The following ZNF541 variants were observed in gnomAD, a reference collection of about 807,000 sequenced individuals.
ZNF541 encodes the protein zinc finger protein 541.
In ZNF541, 23 loss-of-function variants were observed where a neutral mutation model predicts 123.5. The observed-to-expected ratio is 0.19, with a 90% CI of 0.13 to 0.26. The LOEUF is 0.26. Ranked by LOEUF, ZNF541 falls within the 10% of genes least tolerant of loss-of-function variation. The pLI, the probability that ZNF541 is intolerant of heterozygous loss-of-function variation, is 1.00. For synonymous variants in ZNF541, 751 were observed against 754.5 expected (o/e 1.00, Z 0.08); for missense variants, 1,612 against 1,789.9 (o/e 0.90, Z 1.79).
chr19:47,561,215 T>C (rs1971049067), intron 2 of ZNF541, among the ~76,000 whole-genome samples: 1 of 152,134 alleles, frequency 6.6e-6, no homozygotes, highest in Non-Finnish European at 1.5e-5. Context: ...GGCTCACACC[T>C]GTAATCCCAG....
chr19:47,556,591 T>C (rs1295653129), intron 2 of ZNF541, among the ~76,000 whole-genome samples: 1 of 151,954 alleles, frequency 6.6e-6, no homozygotes, highest in African/African-American at 2.4e-5. Context: ...ATTACAGGTG[T>C]GAACCAGCGC....
chr19:47,541,236 G>A (rs2123087469), intron 5 of ZNF541, among the ~76,000 whole-genome samples: 1 of 152,064 alleles, frequency 6.6e-6, no homozygotes, highest in East Asian at 1.9e-4. Flanking sequence ...TGGGCAACAT[G>A]GCAAAACCCC....
chr19:47,521,166 A>C lies in ZNF541; in HGVS notation c.*58T>G. The C allele has an allele frequency of 6.6e-7, 1 of 1,523,126 alleles. No individual in the cohort carries two copies. The highest frequency in any genetic ancestry group is 2.5e-5 in the East Asian group (1 of 40,488). 94.4% of individuals were successfully genotyped at this position (1,523,126 alleles called of 1,614,324 possible). ...GAGGGGTGCCCCAAACGCCCTGGAGAGGCCGAAGGGAGGAGGGGCAGCACT... is the reference window on the plus strand; with the variant it reads ...GAGGGGTGCCCCAAACGCCCTGGAGCGGCCGAAGGGAGGAGGGGCAGCACT... On this transcript the variant is annotated 3_prime_UTR_variant, in exon 17 of 17. Coordinates refer to ENST00000391901, the MANE Select transcript of ZNF541 (RefSeq NM_001277075.3). This position sits in a 1 kb window ranked among gnomAD's most constrained non-coding sequence, Gnocchi z 4.2.
chr19:47,539,354 C>A (rs976997720), intron 8 of ZNF541, among the ~76,000 whole-genome samples: 3 of 144,284 alleles, frequency 2.1e-5, no homozygotes, highest in Non-Finnish European at 4.5e-5. Context: ...GGCTAGAGTG[C>A]AGTGTTGTGA....
intron 10 of ZNF541, among the ~76,000 whole-genome samples, chr19:47,532,660 C>T (rs1185961638): frequency 1.3e-5 from 2 of 152,032 alleles, no homozygotes; most frequent in Non-Finnish European, 2.9e-5. Flanking sequence ...GCATTCTGTC[C>T]CCATGTGCCA....
In ZNF541 at chr19:47,545,435, G is replaced by C. The variant is rs1370458876; in HGVS notation, c.1094C>G (p.Pro365Arg). 2 of 1,478,378 alleles carry C rather than the reference G, an allele frequency of 1.4e-6. No individual in the cohort carries two copies. The highest frequency in any genetic ancestry group is 2.7e-5 in the South Asian group (2 of 72,760). 91.6% of individuals were successfully genotyped at this position (1,478,378 alleles called of 1,614,324 possible). The change falls in exon 5 of 17, where the codon CCG (proline) becomes CGG (arginine). Residue 365 changes from proline to arginine, a missense_variant. Transcript: ENST00000391901. The surrounding 1 kb of genome is among the most constrained non-coding windows in gnomAD (Gnocchi z 7.5). ...SRAAENGAPD[P>R]PEPEPDTALL... ...CGCGGTATCTGGCTCCGGCTCTGGC[G>C]GGTCGGGGGCGCCGTTCTCGGCGGC... is the stretch of plus-strand genomic sequence containing the variant.
At chr19:47,531,448 A>G (rs1969567667) in intron 12 of ZNF541, among the ~76,000 whole-genome samples, 194 bp downstream of exon 12, 1 of 151,918 alleles carries the variant, frequency 6.6e-6, no homozygotes, top group African/African-American at 2.4e-5. Flanking sequence ...GTAGCTATGA[A>G]TTGGGCCCAC....
At chr19:47,533,791 G>A (rs1325988547) in intron 9 of ZNF541, among the ~76,000 whole-genome samples, 1 of 152,128 alleles carries the variant, frequency 6.6e-6, no homozygotes, top group African/African-American at 2.4e-5. Context: ...CCGAGACTGT[G>A]CCACTGTGCT....
Position 47,544,784 on chromosome 19 carries a change from G to T in ZNF541, c.1745C>A (p.Ala582Glu). Residue 582 changes from alanine (A) to glutamate (E), a missense_variant, in exon 5 of 17, where the codon GCG (alanine) becomes GAG (glutamate). Physicochemically the swap from Ala to Glu is moderately radical, Grantham distance 107. This residue lies in a region of ZNF541 where 1,080 missense variants were observed against 1,013.8 expected (regional missense o/e 1.07). Transcript: ENST00000391901. Reference protein sequence around the residue: ...QVAAVSSQLPAPEGKPAALRP... With the variant: ...QVAAVSSQLPEPEGKPAALRP... Reference sequence around the variant, plus strand: ...CAGGGCGGCTGGTTTGCCCTCGGGCGCAGGGAGCTGGGAGGAGACTGCTGC... The same window carrying T: ...CAGGGCGGCTGGTTTGCCCTCGGGCTCAGGGAGCTGGGAGGAGACTGCTGC... 6.6e-7 allele frequency: 1 copy of T among 1,517,828 alleles called. No homozygotes were observed. The highest frequency in any genetic ancestry group is 1.2e-5 in the South Asian group (1 of 81,924). 94.0% of individuals were successfully genotyped at this position (1,517,828 alleles called of 1,614,324 possible). A position where few individuals can be genotyped will look rare whatever the true frequency, so the allele number is the denominator to read the frequency against.
chr19:47,540,652 C>T (rs1191832571), intron 6 of ZNF541, among the ~76,000 whole-genome samples: 1 of 152,182 alleles, frequency 6.6e-6, no homozygotes, highest in African/African-American at 2.4e-5. Flanking sequence ...GTTGGCCAGG[C>T]TGGTCTCGAA....
intron 4 of ZNF541, among the ~76,000 whole-genome samples, chr19:47,548,798 G>A (rs1404765064): frequency 6.6e-6 from 1 of 152,214 alleles, no homozygotes; most frequent in Non-Finnish European, 1.5e-5. Context: ...GGAGTGGGCT[G>A]GGCACGGTGG....
At chr19:47,523,060 A>G (rs1969113149) in intron 14 of ZNF541, among the ~76,000 whole-genome samples, 2 of 147,654 alleles carry the variant, frequency 1.4e-5, no homozygotes, top group South Asian at 2.1e-4. Flanking sequence ...GTGAGCTATG[A>G]TAGTGTCACG....
Position 47,529,442 on chromosome 19 carries a change from G to A in ZNF541, c.3481+135C>T, listed in dbSNP as rs1969460141. On this transcript the variant is annotated intron_variant, in intron 13 of 16. Coordinates refer to ENST00000391901, the MANE Select transcript of ZNF541 (RefSeq NM_001277075.3). ...GGCGCCCACTGAGTCATCCCGACAA[G>A]GACAGGCCCTCCTGAAAGGCAGGCA... 4.7e-6 allele frequency: 4 copies of A among 846,568 alleles called. No individual in the cohort carries two copies. The South Asian group carries it at 6.8e-5, about 14-fold the overall frequency. The allele number at this position is 846,568 out of a possible 1,614,324, so 52.4% of individuals were successfully genotyped here. A position where few individuals can be genotyped will look rare whatever the true frequency, so the allele number is the denominator to read the frequency against.
intron 2 of ZNF541, among the ~76,000 whole-genome samples, chr19:47,567,719 A>G (rs1971322238): frequency 6.6e-6 from 1 of 152,242 alleles, no homozygotes; most frequent in Non-Finnish European, 1.5e-5. Context: ...CTGCAAGGCA[A>G]CAATTGGTTG....
intron 2 of ZNF541, among the ~76,000 whole-genome samples, chr19:47,570,933 G>A (rs1242978391): frequency 6.8e-6 from 1 of 147,362 alleles, no homozygotes; most frequent in Admixed American, 6.8e-5. Flanking sequence ...GGGAAACAGA[G>A]AGAGACTCCA....
intron 6 of ZNF541, 44 bp downstream of exon 6, chr19:47,540,849 A>T: frequency 6.5e-7 from 1 of 1,537,792 alleles, no homozygotes; most frequent in Non-Finnish European, 8.8e-7. Flanking sequence ...AGGCCAGAGG[A>T]CTCCTGCCAG....
chr19:47,563,326 A>G (rs1177674606), intron 2 of ZNF541, among the ~76,000 whole-genome samples: 1 of 152,202 alleles, frequency 6.6e-6, no homozygotes, highest in Non-Finnish European at 1.5e-5. Context: ...TTTCTGCATC[A>G]TTGCCTATGA....
intron 12 of ZNF541, 41 bp downstream of exon 12, chr19:47,531,601 G>T (rs775976416): frequency 6.8e-7 from 1 of 1,473,690 alleles, no homozygotes; most frequent in South Asian, 1.3e-5. Context: ...TAGAACCCTG[G>T]GCCCCAGGAA....
At chr19:47,547,426 C>T (rs1240137164) in intron 4 of ZNF541, among the ~76,000 whole-genome samples, 2 of 152,154 alleles carry the variant, frequency 1.3e-5, no homozygotes, top group Non-Finnish European at 2.9e-5. Flanking sequence ...CAGAGGAGTA[C>T]ATCACCCTCT....
Sources: gnomAD v4.1 joint callset for allele counts (sites outside exome capture counted in the v4.1 genomes callset) on GRCh38, gnomAD v4.1.1 for gene constraint, gnomAD v4.1.1 regional missense constraint, Gnocchi (gnomAD v3.1) non-coding constraint, MANE v1.5 for transcripts, NCBI Gene and HGNC (gene_info 2026-07-23, HGNC 2026-07-21) for gene names.